The following NDST4 variants were observed in gnomAD, a reference collection of about 807,000 sequenced individuals.
NDST4 encodes N-deacetylase and N-sulfotransferase 4, also known as N-heparan sulfate sulfotransferase 4.
NDST4 carries 63 observed loss-of-function variants against 100.8 expected under a neutral mutation model. That is an observed-to-expected ratio of 0.62 (90% CI 0.51 to 0.77). The LOEUF (loss-of-function observed/expected upper bound fraction) is 0.77, where lower values mean the gene tolerates loss of function less well. Ranked by LOEUF, NDST4 falls within the 30% of genes least tolerant of loss-of-function variation. The probability of loss-of-function intolerance (pLI) is 0.00; values close to 1 mark genes in which losing one functional copy is unlikely to be tolerated. For synonymous variants in NDST4, 377 were observed against 361.8 expected (o/e 1.04, Z -0.48); for missense variants, 943 against 1,018.4 (o/e 0.93, Z 1.01).
chr4:115,047,087 A>C (rs1034627885), intron 2 of NDST4, among the ~76,000 whole-genome samples: 1 of 152,108 alleles, frequency 6.6e-6, no homozygotes, highest in Non-Finnish European at 1.5e-5. Flanking sequence ...AATCCACTGG[A>C]AAAAAAATAC....
At chr4:115,107,660 CTTTA>C (rs1560602674) in intron 1 of NDST4, among the ~76,000 whole-genome samples, 1 of 151,962 alleles carries the variant, frequency 6.6e-6, no homozygotes, top group Admixed American at 6.6e-5. Context: ...ACTGTGGGGT[CTTTA>C]TTTATTTACT....
chr4:114,885,270 A>G (rs1724454227), intron 6 of NDST4, among the ~76,000 whole-genome samples: 1 of 152,092 alleles, frequency 6.6e-6, no homozygotes, highest in Admixed American at 6.6e-5. Flanking sequence ...AAGTTCTTTG[A>G]GATTTGAGTG....
At chr4:114,912,804 G>A (rs1725090482) in intron 6 of NDST4, among the ~76,000 whole-genome samples, 1 of 151,974 alleles carries the variant, frequency 6.6e-6, no homozygotes, top group South Asian at 2.1e-4. Flanking sequence ...CAACAACAAA[G>A]TAACTCATTG....
At chr4:114,933,432 C>CTTTTTTTTTTTTTTTTTTCCTTTTTTTT (rs1553955185) in intron 6 of NDST4, among the ~76,000 whole-genome samples, 4 of 89,278 alleles carry the variant, frequency 4.5e-5, no homozygotes, top group East Asian at 4.4e-4. Context: ...TTTTCTTTTC[C>CTTTTTTTTTTTTTTTTTTCCTTTTTTTT]TTTTTTTTTT....
intron 6 of NDST4, among the ~76,000 whole-genome samples, chr4:114,895,128 A>C (rs1447903128): frequency 6.6e-6 from 1 of 152,170 alleles, no homozygotes; most frequent in East Asian, 1.9e-4. Flanking sequence ...ACAAGAAATA[A>C]CTAAGATCAG....
At chr4:115,033,129 GTGTATATATATATA>G (rs1311931637) in intron 2 of NDST4, among the ~76,000 whole-genome samples, 82 of 55,898 alleles carry the variant, frequency 1.5e-3, no homozygotes, top group African/African-American at 5.7e-3. Flanking sequence ...ATATATATAT[GTGTATATATATATA>G]TATATATATA....
Position 115,020,354 on chromosome 4 carries a change from T to C in NDST4, c.979-43080A>G, listed in dbSNP as rs145395108. 4.2e-3 allele frequency among the ~76,000 whole-genome samples: 640 copies of C among 152,188 alleles called. 4 individuals are homozygous for C. Among genetic ancestry groups the C allele is most frequent in the African/African-American group, 0.015 (606 of 41,544 alleles). The stretch of plus-strand genomic sequence containing the variant: ...ATAATTTGGGTTAATTGTATCGAAG[T>C]CCAAAGGCTTCATAAAAGGCAGAAT... On this transcript the variant is annotated intron_variant, in intron 2 of 13. Transcript: ENST00000264363.
chr4:114,853,701 A>G (rs1723728632), intron 7 of NDST4, among the ~76,000 whole-genome samples: 1 of 152,242 alleles, frequency 6.6e-6, no homozygotes, highest in Non-Finnish European at 1.5e-5. Flanking sequence ...CTTGGAAATT[A>G]AAACATTCTA....
At chr4:114,885,667 T>C (rs2126203551) in intron 6 of NDST4, among the ~76,000 whole-genome samples, 1 of 152,232 alleles carries the variant, frequency 6.6e-6, no homozygotes, top group African/African-American at 2.4e-5. Context: ...CAATGAAAGG[T>C]CATACAGGCA....
At chr4:115,067,996 T>C (rs1191663223) in intron 2 of NDST4, among the ~76,000 whole-genome samples, 1 of 133,564 alleles carries the variant, frequency 7.5e-6, no homozygotes, top group Admixed American at 7.4e-5. Flanking sequence ...ACACGGTGTT[T>C]GGTTTTTTGT....
At chr4:115,075,089 C>A (rs1377218667) in intron 2 of NDST4, among the ~76,000 whole-genome samples, 3 of 152,030 alleles carry the variant, frequency 2.0e-5, no homozygotes, top group African/African-American at 7.2e-5. Flanking sequence ...GTTATTCAGT[C>A]AATTGATCAA....
At chr4:114,910,744 C>T (rs951124706) in intron 6 of NDST4, among the ~76,000 whole-genome samples, 1 of 152,114 alleles carries the variant, frequency 6.6e-6, no homozygotes, top group African/African-American at 2.4e-5. Flanking sequence ...AATCCATGTA[C>T]CCTTACTAGG....
At chr4:115,106,267 T>C (rs1443166715) in intron 1 of NDST4, among the ~76,000 whole-genome samples, 1 of 152,120 alleles carries the variant, frequency 6.6e-6, no homozygotes, top group Non-Finnish European at 1.5e-5. Flanking sequence ...AACTGTTTCC[T>C]GGATGTTGAC....
At chr4:114,991,587 C>T (rs1727040649) in intron 2 of NDST4, among the ~76,000 whole-genome samples, 1 of 151,996 alleles carries the variant, frequency 6.6e-6, no homozygotes, top group South Asian at 2.1e-4. Flanking sequence ...CTGGAAATAT[C>T]AGTTGTTATT....
At chr4:114,999,655 A>G (rs1332219212) in intron 2 of NDST4, among the ~76,000 whole-genome samples, 1 of 152,130 alleles carries the variant, frequency 6.6e-6, no homozygotes, top group Non-Finnish European at 1.5e-5. Flanking sequence ...TATTCATGGA[A>G]TGGTAAAACA....
intron 1 of NDST4, among the ~76,000 whole-genome samples, chr4:115,078,546 T>A (rs545071696): frequency 6.6e-6 from 1 of 152,248 alleles, no homozygotes; most frequent in East Asian, 1.9e-4. Flanking sequence ...AACTTGAACT[T>A]AAATGTGATG....
At chr4:114,847,348 C>T (rs1471782481) in intron 9 of NDST4, among the ~76,000 whole-genome samples, 3 of 103,972 alleles carry the variant, frequency 2.9e-5, no homozygotes, top group East Asian at 2.5e-4. Flanking sequence ...TGCACTCCAG[C>T]CTGGGCGACA....
intron 4 of NDST4, among the ~76,000 whole-genome samples, chr4:114,942,237 T>C (rs1725765726): frequency 1.3e-5 from 2 of 152,180 alleles, no homozygotes; most frequent in Admixed American, 1.3e-4. Flanking sequence ...GTTCATGACT[T>C]ACGTTAAGCA....
intron 6 of NDST4, among the ~76,000 whole-genome samples, chr4:114,880,908 A>G (rs1724352968): frequency 6.6e-6 from 1 of 152,108 alleles, no homozygotes; most frequent in African/African-American, 2.4e-5. Flanking sequence ...TTCACGTGAG[A>G]CAATGGGTTG....
Sources: gnomAD v4.1 joint callset for allele counts (sites outside exome capture counted in the v4.1 genomes callset) on GRCh38, gnomAD v4.1.1 for gene constraint, MANE v1.5 for transcripts, NCBI Gene and HGNC (gene_info 2026-07-23, HGNC 2026-07-21) for gene names.